The following RNLS variants were observed in gnomAD, a reference collection of about 807,000 sequenced individuals.
RNLS encodes the protein renalase, FAD dependent amine oxidase.
RNLS carries 39 observed loss-of-function variants against 39.8 expected under a neutral mutation model. The observed-to-expected ratio is 0.98, with a 90% CI of 0.76 to 1.28. The LOEUF (loss-of-function observed/expected upper bound fraction) is 1.28. RNLS is among the 50% of genes most tolerant of loss of function. RNLS has a pLI of 0.00. For synonymous variants in RNLS, 147 were observed against 150.7 expected, an observed-to-expected ratio of 0.98 and a Z score of 0.18; for missense variants, 410 against 413.3, an observed-to-expected ratio of 0.99 and a Z score of 0.07.
At chr10:88,213,475 G>T in the RNLS span, among the ~76,000 whole-genome samples, 5 of 151,988 alleles carry the variant, frequency 3.3e-5, no homozygotes, top group Admixed American at 3.3e-4. Context: ...GTTGTTGCAA[G>T]CATCCTTGTT....
At chr10:88,310,212 C>G (rs1351836188) in intron 6 of RNLS, among the ~76,000 whole-genome samples, 5 of 151,978 alleles carry the variant, frequency 3.3e-5, no homozygotes, top group Non-Finnish European at 7.4e-5. Context: ...GACCCTGTCT[C>G]AAAAAATGTA....
intron 4 of RNLS, among the ~76,000 whole-genome samples, chr10:88,570,691 TG>T (rs752101350): frequency 1.3e-5 from 2 of 152,192 alleles, no homozygotes; most frequent in Non-Finnish European, 2.9e-5. Flanking sequence ...ATTTAAGTCT[TG>T]GGCAGAGGCA....
At chr10:88,176,159 CA>C in the RNLS span, among the ~76,000 whole-genome samples, 1 of 147,928 alleles carries the variant, frequency 6.8e-6, no homozygotes, top group Non-Finnish European at 1.5e-5. Context: ...TTCATTTAGG[CA>C]GCCTTAGCCT....
intron 6 of RNLS, among the ~76,000 whole-genome samples, chr10:88,311,177 A>G (rs1845351690): frequency 6.6e-6 from 1 of 152,234 alleles, no homozygotes. Context: ...TCAGAAATTT[A>G]CTATAGTTTG....
chr10:88,332,533 G>A (rs539321470), intron 5 of RNLS, among the ~76,000 whole-genome samples: 21 of 152,298 alleles, frequency 1.4e-4, no homozygotes, highest in African/African-American at 3.6e-4. Context: ...AGTTAAAACC[G>A]TTGAAGAGGT....
At chr10:88,519,329 C>G (rs1846577455) in intron 4 of RNLS, among the ~76,000 whole-genome samples, 1 of 151,736 alleles carries the variant, frequency 6.6e-6, no homozygotes, top group South Asian at 2.1e-4. Context: ...ATATTGCCTC[C>G]CACATGTAAT....
chr10:88,463,578 G>A (rs1238973852), intron 4 of RNLS, among the ~76,000 whole-genome samples: 1 of 151,906 alleles, frequency 6.6e-6, no homozygotes, highest in East Asian at 1.9e-4. Context: ...GAAGGATCAT[G>A]GAAATTTTAA....
intron 4 of RNLS, among the ~76,000 whole-genome samples, chr10:88,418,698 C>G (rs971102938): frequency 6.6e-6 from 1 of 152,142 alleles, no homozygotes; most frequent in Non-Finnish European, 1.5e-5. Flanking sequence ...ACAAGTGGTT[C>G]AAGCAGTCAG....
chr10:88,486,188 G>T (rs1314714145), intron 4 of RNLS, among the ~76,000 whole-genome samples: 1 of 151,716 alleles, frequency 6.6e-6, no homozygotes, highest in African/African-American at 2.4e-5. Context: ...TTGAAACTGG[G>T]CCCCTTCCTT....
In RNLS at chr10:88,443,346, T is replaced by C. The variant is rs186967733; in HGVS notation, c.527-80621A>G. ...TTAAATTCCATGGGCAGTTCCAAGA[T>C]GGCCAAATAGGAACAGCTCCAGTCT... On this transcript the variant is annotated intron_variant, in intron 4 of 6. Transcript: ENST00000331772. Among the ~76,000 whole-genome samples the C allele has an allele frequency of 2.0e-3, 311 of 152,284 alleles. 1 individual carries two copies. The highest frequency in any genetic ancestry group is 2.3e-3 in the Non-Finnish European group (156 of 68,020).
chr10:88,380,329 A>ATTGTT (rs1310735510), intron 4 of RNLS, among the ~76,000 whole-genome samples: 1 of 132,534 alleles, frequency 7.5e-6, no homozygotes, highest in African/African-American at 2.8e-5. Flanking sequence ...GTATCCGTTC[A>ATTGTT]TTGTTTTCAT....
intron 5 of RNLS, among the ~76,000 whole-genome samples, chr10:88,330,070 G>GATATATAT (rs59527333): frequency 8.5e-5 from 12 of 140,546 alleles, no homozygotes; most frequent in African/African-American, 3.1e-4. Context: ...TCTGTTTTGA[G>GATATATAT]ATATATATAT....
the RNLS span, among the ~76,000 whole-genome samples, chr10:88,215,677 G>A: frequency 6.7e-6 from 1 of 149,730 alleles, no homozygotes; most frequent in African/African-American, 2.4e-5. Context: ...CCTTACATAG[G>A]GAAACCATCT....
At chr10:88,447,422 G>C (rs891061263) in intron 4 of RNLS, among the ~76,000 whole-genome samples, 17 of 152,238 alleles carry the variant, frequency 1.1e-4, no homozygotes, top group African/African-American at 3.9e-4. Context: ...GCTTCAAAGA[G>C]AATAAATACC....
intron 4 of RNLS, among the ~76,000 whole-genome samples, chr10:88,513,061 T>C (rs1191565591): frequency 6.6e-6 from 1 of 152,122 alleles, no homozygotes; most frequent in Non-Finnish European, 1.5e-5. Context: ...GGACAGTGAA[T>C]GCACATGATT....
rs149069018 is a variant in RNLS, at chr10:88,570,202, T to C, written c.526+2701A>G. 5.5e-4 allele frequency among the ~76,000 whole-genome samples: 83 copies of C among 152,252 alleles called. 1 individual carries two copies. The highest frequency in any genetic ancestry group is 1.9e-3 in the African/African-American group (78 of 41,550). ...GAATGCAAAAATCCTAAACAACATA[T>C]TAGCAAGCCAAATTCAGATTTACAT... is the stretch of plus-strand genomic sequence containing the variant. On this transcript the variant is annotated intron_variant, in intron 4 of 6. Transcript: ENST00000331772.
At chr10:88,447,761 T>C (rs1842128911) in intron 4 of RNLS, among the ~76,000 whole-genome samples, 2 of 152,030 alleles carry the variant, frequency 1.3e-5, no homozygotes, top group South Asian at 4.1e-4. Flanking sequence ...CAAACTAAAC[T>C]ACAAGGCTAC....
At chr10:88,303,868 G>A (rs1223755580) in intron 6 of RNLS, among the ~76,000 whole-genome samples, 3 of 152,154 alleles carry the variant, frequency 2.0e-5, no homozygotes, top group Non-Finnish European at 2.9e-5. Flanking sequence ...CTTCCAGTGC[G>A]ACTGTGTACA....
At chr10:88,175,518 A>T in the RNLS span, among the ~76,000 whole-genome samples, 1 of 152,148 alleles carries the variant, frequency 6.6e-6, no homozygotes, top group South Asian at 2.1e-4. Context: ...ATTCAGGAAG[A>T]TATTTGTTAA....
Sources: gnomAD v4.1 joint callset for allele counts (sites outside exome capture counted in the v4.1 genomes callset) on GRCh38, gnomAD v4.1.1 for gene constraint, MANE v1.5 for transcripts, NCBI Gene and HGNC (gene_info 2026-07-23, HGNC 2026-07-21) for gene names.